Variants in RNF207 observed in about 807,000 individuals in gnomAD.
The protein encoded by RNF207 is ring finger protein 207.
In RNF207, 72 loss-of-function variants were observed where a neutral mutation model predicts 79.0. The observed-to-expected ratio is 0.91, with a 90% CI of 0.75 to 1.11. RNF207 has a LOEUF of 1.11. Among genes scored for constraint, RNF207 ranks in the 50% least tolerant of loss-of-function variants. RNF207 has a pLI of 0.00. For synonymous variants in RNF207, 348 were observed against 366.2 expected (o/e 0.95, Z 0.57); for missense variants, 936 against 855.8 (o/e 1.09, Z -1.17).
chr1:6,214,726 C>T (rs1180662643), intron 16 of RNF207, among the ~76,000 whole-genome samples: 2 of 149,282 alleles, frequency 1.3e-5, no homozygotes, highest in African/African-American at 5.0e-5. Flanking sequence ...CTTCCGCCCC[C>T]TGGGTTCAAG....
At position 6,206,256 on chromosome 1, in the gene RNF207, G is replaced by A. The variant is rs1385592980; in HGVS notation, c.-47G>A. On this transcript the variant is annotated 5_prime_UTR_variant, in exon 1 of 18. Coordinates refer to ENST00000377939, the MANE Select transcript of RNF207 (RefSeq NM_207396.3). ...CCGCACTAAGAGCGCTGGACGGCGGGAGAGAGGCTCGGAGGACCGGTAGCT... is the reference window on the plus strand; with the variant it reads ...CCGCACTAAGAGCGCTGGACGGCGGAAGAGAGGCTCGGAGGACCGGTAGCT... The A allele has an allele frequency of 1.2e-5, 5 of 406,980 alleles. No homozygotes were observed. Among genetic ancestry groups the A allele is most frequent in the East Asian group, 4.4e-5 (1 of 22,722 alleles). The allele number at this position is 406,980 out of a possible 1,614,324, so 25.2% of individuals were successfully genotyped here. A position where few individuals can be genotyped will look rare whatever the true frequency, so the allele number is the denominator to read the frequency against.
chr1:6,206,542 G>A lies in RNF207; in HGVS notation c.7G>A (p.Gly3Arg). Reference protein sequence around the residue: MSGAIFGPLEGPS... With the variant: MSRAIFGPLEGPS... ...GCTTGCGCTGTCGCTGCAGATGTCG[G>A]GAGCTATCTTCGGGCCCCTGGAGGG... The change falls in exon 2 of 18, where the codon GGA becomes AGA. Residue 3 changes from glycine (G) to arginine (R), a missense_variant. Physicochemically the swap from Gly to Arg is moderately radical, Grantham distance 125. Transcript: ENST00000377939. 1 of 1,576,352 alleles carries A rather than the reference G, an allele frequency of 6.3e-7. No individual in the cohort carries two copies. The highest frequency in any genetic ancestry group is 8.6e-7 in the Non-Finnish European group (1 of 1,169,398).
In RNF207 at chr1:6,207,884, G is replaced by A; in HGVS notation, c.324+373G>A. ...TGGCATAGAAGCAGCTACAGCCCAG[G>A]GGAGGTGGGGACAGCATGCTGTTCC... On this transcript the variant is annotated intron_variant, in intron 3 of 17. Coordinates refer to ENST00000377939, the MANE Select transcript of RNF207 (RefSeq NM_207396.3). The surrounding 1 kb of genome is among the most constrained non-coding windows in gnomAD (Gnocchi z 4.5). The A allele has an allele frequency of 2.4e-6, 1 of 410,384 alleles. No homozygotes were observed. Among genetic ancestry groups the A allele is most frequent in the Non-Finnish European group, 4.8e-6 (1 of 209,982 alleles). The allele number at this position is 410,384 out of a possible 1,614,324, so 25.4% of individuals were successfully genotyped here. A position where few individuals can be genotyped will look rare whatever the true frequency, so the allele number is the denominator to read the frequency against.
rs1395320239 is a variant in RNF207, at chr1:6,221,262, A to T, written c.*1855A>T. ...AATCAGTATCTGTGAAAGAAAATCC[A>T]ATTTAGAATATTTAAATAAACATTT... On this transcript the variant is annotated 3_prime_UTR_variant, in exon 18 of 18. Transcript: ENST00000377939. The T allele has an allele frequency of 6.6e-6, 1 of 152,660 alleles. No homozygotes were observed. Among genetic ancestry groups the T allele is most frequent in the Non-Finnish European group, 1.5e-5 (1 of 68,044 alleles). The allele number at this position is 152,660 out of a possible 1,614,324, so 9.5% of individuals were successfully genotyped here. A position where few individuals can be genotyped will look rare whatever the true frequency, so the allele number is the denominator to read the frequency against.
At position 6,207,181 on chromosome 1, in the gene RNF207, G is replaced by A. The variant is rs1166922321; in HGVS notation, c.192-198G>A. Among the ~76,000 whole-genome samples, 2 of 152,202 alleles carry A rather than the reference G, an allele frequency of 1.3e-5. No homozygotes were observed. Among genetic ancestry groups the A allele is most frequent in the Non-Finnish European group, 2.9e-5 (2 of 68,032 alleles). Reference sequence around the variant, plus strand: ...TAGGGGACCAACCCCACTGTCTGCAGGAGTGCCCAGGACTGGGCAAGGGTA... The same window carrying A: ...TAGGGGACCAACCCCACTGTCTGCAAGAGTGCCCAGGACTGGGCAAGGGTA... On this transcript the variant is annotated intron_variant, in intron 2 of 17. Coordinates refer to ENST00000377939, the MANE Select transcript of RNF207 (RefSeq NM_207396.3). The surrounding 1 kb of genome is among the most constrained non-coding windows in gnomAD (Gnocchi z 4.5).
At chr1:6,208,821 C>A in intron 3 of RNF207, 60 bp from the exon 4 acceptor site, 3 of 1,470,516 alleles carry the variant, frequency 2.0e-6, no homozygotes, top group South Asian at 1.3e-5. Flanking sequence ...GCGGCGGCTG[C>A]GGTTCCCGCG....
rs1668464183 is a variant in RNF207, at chr1:6,219,217, C to T, written c.1734-19C>T. 2 of 1,591,700 alleles carry T rather than the reference C, an allele frequency of 1.3e-6. No homozygotes were observed. Among genetic ancestry groups the T allele is most frequent in the African/African-American group, 1.4e-5 (1 of 74,010 alleles). On this transcript the variant is annotated intron_variant, in intron 17 of 17. Coordinates refer to ENST00000377939, the MANE Select transcript of RNF207 (RefSeq NM_207396.3). ...GAAATGGGGGAGCGGGCTGGGCTTA[C>T]ATGAGGCTGTCCCTTTAGGAATAAT...
intron 1 of RNF207, 22 bp from the exon 2 acceptor site, chr1:6,206,514 C>T: frequency 6.5e-7 from 1 of 1,528,506 alleles, no homozygotes; most frequent in Non-Finnish European, 8.7e-7. Flanking sequence ...GCCCCAGCCG[C>T]CCGCTTGCGC....
At chr1:6,210,101 C>T in intron 8 of RNF207, 122 bp from the exon 9 acceptor site, 6 of 1,303,126 alleles carry the variant, frequency 4.6e-6, no homozygotes, top group Non-Finnish European at 2.2e-6. Context: ...AGGAGGGCAG[C>T]ATGGCTCAGG....
At chr1:6,219,185 A>G (rs1203736771) in intron 17 of RNF207, 51 bp from the exon 18 acceptor site, 2 of 1,522,992 alleles carry the variant, frequency 1.3e-6, no homozygotes, top group African/African-American at 2.8e-5. Flanking sequence ...TAGTGCAGGG[A>G]TATGGTGAAA....
rs1399375222 is a variant in RNF207 at position 6,209,521 on chromosome 1, C to T, written c.735C>T (p.Ala245=). 5 of 1,468,734 alleles carry T rather than the reference C, an allele frequency of 3.4e-6. No individual in the cohort carries two copies. The South Asian group carries it at 4.3e-5, about 13-fold the overall frequency. The allele number at this position is 1,468,734 out of a possible 1,614,324, so 91.0% of individuals were successfully genotyped here. The part of the protein sequence containing the change: ...SAAEEEDAIH[A]LFGSMQDRLA... ...CCGAGGAGGAGGACGCTATCCACGC[C>T]CTCTTCGGCAGCATGCAGGTGAGGG... Residue 245 remains alanine, a synonymous_variant, in exon 7 of 18, where the codon GCC becomes GCT. Coordinates refer to ENST00000377939, the MANE Select transcript of RNF207 (RefSeq NM_207396.3).
chr1:6,210,246 C>T lies in RNF207; in HGVS notation c.824C>T (p.Ala275Val), dbSNP rs148563561. Reference protein sequence around the residue: ...VQSQYEEKDKAFKEQLSHLAT... With the variant: ...VQSQYEEKDKVFKEQLSHLAT... ...AGCCAATACGAAGAGAAGGACAAGG[C>T]CTTCAAGGAGCAGCTCTCTCACTTG... The change falls in exon 9 of 18, where the codon GCC becomes GTC. Residue 275 changes from alanine (A) to valine (V), a missense_variant. Coordinates refer to ENST00000377939, the MANE Select transcript of RNF207 (RefSeq NM_207396.3). 1.3e-4 allele frequency: 208 copies of T among 1,613,694 alleles called. 2 individuals are homozygous for T. The African/African-American group carries it at 2.0e-3, about 15-fold the overall frequency.
rs767858728 is a variant in RNF207 at position 6,212,215 on chromosome 1, C to G, written c.1297-16C>G. On this transcript the variant is annotated splice_polypyrimidine_tract_variant and intron_variant, in intron 13 of 17. Transcript: ENST00000377939. ...GCCTAGGGTGACCCACGCTCTCACA[C>G]AGCCTCTCTGTGCAGCACCTGCAGG... 3.5e-5 allele frequency: 57 copies of G among 1,606,764 alleles called. No individual in the cohort carries two copies. In the East Asian group the frequency reaches 1.2e-3, roughly 35 times the overall value.
intron 10 of RNF207, 150 bp downstream of exon 10, chr1:6,210,588 A>G: frequency 1.5e-6 from 1 of 649,378 alleles, no homozygotes; most frequent in Non-Finnish European, 2.7e-6. Context: ...ATCATCTGCA[A>G]ACCTGTTAGG....
Position 6,219,432 on chromosome 1 carries a change from A to G in RNF207, c.*25A>G, listed in dbSNP as rs370141502. ...GCAAATGGGACCGGTCCCCAGGGTCAGGCTCTTAGAGCAGGCACAAGACTG... is the reference window on the plus strand; with the variant it reads ...GCAAATGGGACCGGTCCCCAGGGTCGGGCTCTTAGAGCAGGCACAAGACTG... On this transcript the variant is annotated 3_prime_UTR_variant, in exon 18 of 18. Coordinates refer to ENST00000377939, the MANE Select transcript of RNF207 (RefSeq NM_207396.3). The G allele has an allele frequency of 5.1e-6, 8 of 1,556,182 alleles. No homozygotes were observed. Among genetic ancestry groups the G allele is most frequent in the African/African-American group, 1.4e-5 (1 of 73,016 alleles).
At chr1:6,210,633 G>A (rs1668123577) in intron 10 of RNF207, 195 bp downstream of exon 10, 11 of 628,224 alleles carry the variant, frequency 1.8e-5, no homozygotes, top group Non-Finnish European at 1.1e-5. Flanking sequence ...CCAGGAAGGG[G>A]GCATGAGCCT....
intron 16 of RNF207, among the ~76,000 whole-genome samples, chr1:6,214,560 G>A (rs868668223): frequency 1.3e-5 from 2 of 150,828 alleles, no homozygotes; most frequent in Non-Finnish European, 1.5e-5. Flanking sequence ...GTGCCAACAC[G>A]CCTGGCTAAT....
chr1:6,219,152 A>G, intron 17 of RNF207, 84 bp from the exon 18 acceptor site: 1 of 1,267,012 alleles, frequency 7.9e-7, no homozygotes, highest in Non-Finnish European at 1.1e-6. Flanking sequence ...TTCCATTCTG[A>G]GTGCTTTGGC....
At chr1:6,209,560 G>A (rs376072824) in intron 7 of RNF207, 21 bp downstream of exon 7, 1 of 1,442,382 alleles carries the variant, frequency 6.9e-7, no homozygotes, top group Non-Finnish European at 9.0e-7. Flanking sequence ...GGGGTTGGGG[G>A]ATAAACGACC....
Sources: gnomAD v4.1 joint callset for allele counts (sites outside exome capture counted in the v4.1 genomes callset) on GRCh38, gnomAD v4.1.1 for gene constraint, Gnocchi (gnomAD v3.1) non-coding constraint, MANE v1.5 for transcripts, NCBI Gene and HGNC (gene_info 2026-07-23, HGNC 2026-07-21) for gene names.